LAMB4: variants seen among roughly 807,000 people sequenced by gnomAD.
LAMB4 encodes laminin subunit beta-4.
Under a neutral mutation model 199.2 loss-of-function variants are expected in LAMB4, and 196 were observed. That is an observed-to-expected ratio of 0.98 (90% CI 0.88 to 1.11). The LOEUF is 1.11. Ranked by LOEUF, LAMB4 falls within the 50% of genes least tolerant of loss-of-function variation. LAMB4 has a pLI of 0.00. For missense variants in LAMB4, 2,080 were observed against 2,171.2 expected, an observed-to-expected ratio of 0.96 and a Z score of 0.83; for synonymous variants, 744 against 770.6, an observed-to-expected ratio of 0.97 and a Z score of 0.57.
At chr7:108,083,341 T>C (rs1017737751) in intron 14 of LAMB4, among the ~76,000 whole-genome samples, 9 of 152,180 alleles carry the variant, frequency 5.9e-5, no homozygotes, top group African/African-American at 2.2e-4. Context: ...ATCCCCTACA[T>C]TGAGGGCTAG....
rs896754861 is a variant in LAMB4, at chr7:108,055,946, G to A, written c.3441C>T (p.Cys1147=). ...KPICDPDTGM[C]RCREGVSGQR... The stretch of plus-strand genomic sequence containing the variant: ...GGCCGCTGACACCCTCCCGGCAGCG[G>A]CACATGCCTGTGTCTGGATCACAGA... The change falls in exon 25 of 34, where the codon TGC becomes TGT. Residue 1147 remains cysteine (C), a synonymous_variant. Transcript: ENST00000388781. The A allele has an allele frequency of 1.2e-6, 2 of 1,614,152 alleles. No individual in the cohort carries two copies. The highest frequency in any genetic ancestry group is 1.7e-6 in the Non-Finnish European group (2 of 1,180,008).
chr7:108,126,634 G>A (rs1198748572), intron 1 of LAMB4, among the ~76,000 whole-genome samples: 1 of 123,968 alleles, frequency 8.1e-6, no homozygotes, highest in East Asian at 2.7e-4. Flanking sequence ...GCGCAATCTC[G>A]GCTCACTGCA....
At chr7:108,065,649 C>T in intron 21 of LAMB4, 113 bp downstream of exon 21, 6 of 760,422 alleles carry the variant, frequency 7.9e-6, no homozygotes, top group East Asian at 2.8e-5. Context: ...GTCTTCTTAC[C>T]ATTTCTGCAC....
chr7:108,099,213 A>C (rs378334), intron 10 of LAMB4, among the ~76,000 whole-genome samples: 47,618 of 152,090 alleles, frequency 0.31, 8,464 homozygotes, highest in Non-Finnish European at 0.4. Context: ...GTTGGGGGGA[A>C]ATCTGCTGAC....
rs145441159 is a variant in LAMB4 at position 108,082,052 on chromosome 7, C to T, written c.1702-2266G>A. ...ATTGTAAGAGTTGCAGAACTTCGGC[C>T]GGGTGAGGTGGCTCACGCCTGTAAT... On this transcript the variant is annotated intron_variant, in intron 14 of 33. Transcript: ENST00000388781. 3.3e-3 allele frequency among the ~76,000 whole-genome samples: 509 copies of T among 152,158 alleles called. 9 individuals carry two copies. Among genetic ancestry groups the T allele is most frequent in the African/African-American group, 0.012 (486 of 41,520 alleles).
chr7:108,024,113 A>G lies in LAMB4; in HGVS notation c.5212T>C (p.Leu1738=), dbSNP rs776699125. 9 of 1,605,452 alleles carry G rather than the reference A, an allele frequency of 5.6e-6. No homozygotes were observed. Among genetic ancestry groups the G allele is most frequent in the Non-Finnish European group, 7.7e-6 (9 of 1,174,122 alleles). The change falls in exon 34 of 34, where the codon TTG becomes CTG. Residue 1738 remains leucine (L), a synonymous_variant. Transcript: ENST00000388781. ...TTAATGGCAACAACTTGATCTTCCA[A>G]TATTCTCAGTTGATCAGCTTTTGCT... ...RQAKADQLRI[L]EDQVVAIKNE...
At chr7:108,018,379 C>A in the LAMB4 span, among the ~76,000 whole-genome samples, 1 of 152,154 alleles carries the variant, frequency 6.6e-6, no homozygotes. Context: ...GCATCCATGC[C>A]CCAATGTCCT....
chr7:108,041,976 A>G (rs2035437274), intron 29 of LAMB4, among the ~76,000 whole-genome samples: 1 of 152,220 alleles, frequency 6.6e-6, no homozygotes, highest in Non-Finnish European at 1.5e-5. Context: ...ATGAGATTAT[A>G]GATTCAAATT....
chr7:108,057,765 T>G, intron 24 of LAMB4, 67 bp downstream of exon 24: 1 of 988,998 alleles, frequency 1.0e-6, no homozygotes, highest in Non-Finnish European at 1.6e-6. Flanking sequence ...TTCAGTTGGT[T>G]CATAGCATGT....
At chr7:108,121,981 C>A (rs17155022) in intron 2 of LAMB4, among the ~76,000 whole-genome samples, 6,597 of 152,156 alleles carry the variant, frequency 0.043, 480 homozygotes, top group African/African-American at 0.15. Flanking sequence ...GGGAGTTTGA[C>A]CATGGCAACT....
At chr7:108,111,772 T>C (rs2150672407) in intron 4 of LAMB4, 39 bp downstream of exon 4, 2 of 1,563,086 alleles carry the variant, frequency 1.3e-6, no homozygotes, top group East Asian at 2.2e-5. Context: ...TATTAAAATA[T>C]TGAAGAAATA....
chr7:108,091,820 A>G, intron 13 of LAMB4, 44 bp from the exon 14 acceptor site: 1 of 1,604,466 alleles, frequency 6.2e-7, no homozygotes, highest in South Asian at 1.1e-5. Flanking sequence ...AAAGTAGGTG[A>G]GCGGAAAATG....
chr7:108,024,740 T>G (rs1295650175), intron 33 of LAMB4, among the ~76,000 whole-genome samples: 2 of 151,386 alleles, frequency 1.3e-5, no homozygotes, highest in Non-Finnish European at 2.9e-5. Flanking sequence ...CATCCATCCA[T>G]CCGTCCGTCC....
chr7:108,047,996 G>C lies in LAMB4; in HGVS notation c.4238C>G (p.Thr1413Ser), dbSNP rs1563045089. The change falls in exon 28 of 34, where the codon ACC (threonine) becomes AGC (serine). Residue 1413 changes from threonine to serine, a missense_variant. Coordinates refer to ENST00000388781, the MANE Select transcript of LAMB4 (RefSeq NM_007356.3). Reference protein sequence around the residue: ...CRGPGCHGSLTLSTNALQKAQ... With the variant: ...CRGPGCHGSLSLSTNALQKAQ... ...TTTTTGGAGGGCATTCGTTGAGAGG[G>C]TCAGGGAGCCGTGACAGCCGGGACC... The C allele has an allele frequency of 6.2e-7, 1 of 1,614,118 alleles. No homozygotes were observed. Among genetic ancestry groups the C allele is most frequent in the Non-Finnish European group, 8.5e-7 (1 of 1,179,998 alleles).
chr7:108,038,428 G>A (rs987860958), intron 29 of LAMB4, among the ~76,000 whole-genome samples: 8 of 152,146 alleles, frequency 5.3e-5, no homozygotes, highest in African/African-American at 7.2e-5. Context: ...CCCAAAGTGC[G>A]GGGATACAGG....
At chr7:108,120,127 T>G in intron 2 of LAMB4, among the ~76,000 whole-genome samples, 1 of 152,208 alleles carries the variant, frequency 6.6e-6, no homozygotes. Flanking sequence ...GGGATGGGCC[T>G]ATAATAAAAA....
chr7:108,068,757 G>A (rs1250886150), intron 18 of LAMB4, among the ~76,000 whole-genome samples: 2 of 152,106 alleles, frequency 1.3e-5, no homozygotes. Flanking sequence ...GCAGTAGTGT[G>A]ATCTTGGCTC....
intron 4 of LAMB4, among the ~76,000 whole-genome samples, chr7:108,109,883 G>T (rs796444919): frequency 2.2e-4 from 34 of 152,160 alleles, no homozygotes; most frequent in African/African-American, 8.2e-4. Context: ...GAGCAGCACT[G>T]TCCAACAGAA....
chr7:108,112,006 A>G, intron 3 of LAMB4, 60 bp from the exon 4 acceptor site: 5 of 1,388,846 alleles, frequency 3.6e-6, no homozygotes, highest in Non-Finnish European at 5.0e-6. Flanking sequence ...TGTTGGGCTA[A>G]ATTAAAGGCA....
Sources: allele counts gnomAD v4.1 joint callset (sites outside exome capture counted in the v4.1 genomes callset), GRCh38; gene constraint gnomAD v4.1.1; transcripts MANE v1.5; gene names NCBI Gene and HGNC (gene_info 2026-07-23, HGNC 2026-07-21).